The following ANO3 variants were observed in gnomAD, a reference collection of about 807,000 sequenced individuals.
The protein encoded by ANO3 is anoctamin 3.
Under a neutral mutation model 144.8 loss-of-function variants are expected in ANO3, and 99 were observed. The observed-to-expected ratio is 0.68, with a 90% CI of 0.58 to 0.81. The LOEUF is 0.81. Ranked by LOEUF, ANO3 falls within the 30% of genes least tolerant of loss-of-function variation. The pLI is 0.00. For synonymous variants in ANO3, 414 were observed against 392.6 expected, an observed-to-expected ratio of 1.05 and a Z score of -0.64; for missense variants, 905 against 1,202.2, an observed-to-expected ratio of 0.75 and a Z score of 3.66.
intron 1 of ANO3, among the ~76,000 whole-genome samples, chr11:26,324,578 A>G (rs1238195083): frequency 1.3e-5 from 2 of 152,242 alleles, no homozygotes; most frequent in African/African-American, 4.8e-5. Flanking sequence ...ACTCATCAAC[A>G]AAGGCAACAA....
intron 3 of ANO3, among the ~76,000 whole-genome samples, chr11:26,455,422 C>T (rs1859114204): frequency 6.6e-6 from 1 of 151,804 alleles, no homozygotes; most frequent in South Asian, 2.1e-4. Context: ...CATTCTTATA[C>T]ACCAATAACA....
intron 17 of ANO3, among the ~76,000 whole-genome samples, chr11:26,601,663 T>G: frequency 6.6e-6 from 1 of 152,174 alleles, no homozygotes; most frequent in East Asian, 1.9e-4. Context: ...CACTGTAGAT[T>G]TTTATATTTT....
At chr11:26,538,823 A>G (rs1055854963) in intron 10 of ANO3, among the ~76,000 whole-genome samples, 2 of 152,220 alleles carry the variant, frequency 1.3e-5, no homozygotes, top group African/African-American at 4.8e-5. Context: ...AAAGTAAATT[A>G]GAAGGTCAAT....
intron 14 of ANO3, among the ~76,000 whole-genome samples, chr11:26,564,752 T>TCTG (rs1850487566): frequency 1.3e-5 from 1 of 78,486 alleles, no homozygotes. Context: ...TATATATATA[T>TCTG]ATATATATAT....
intron 3 of ANO3, among the ~76,000 whole-genome samples, chr11:26,449,192 A>G (rs983839246): frequency 7.2e-5 from 11 of 152,044 alleles, no homozygotes; most frequent in Admixed American, 5.9e-4. Context: ...TGCTTATCCT[A>G]GGGCTCTACA....
chr11:26,316,917 A>G (rs1398934496), intron 1 of ANO3, among the ~76,000 whole-genome samples: 3 of 152,184 alleles, frequency 2.0e-5, no homozygotes, highest in Non-Finnish European at 4.4e-5. Context: ...CCTACATGCA[A>G]CTTTGTATTT....
intron 1 of ANO3, among the ~76,000 whole-genome samples, chr11:26,350,201 G>A (rs1855608509): frequency 6.6e-6 from 1 of 152,098 alleles, no homozygotes; most frequent in Non-Finnish European, 1.5e-5. Flanking sequence ...GAGGACTGTG[G>A]GTAAAAGTCA....
At chr11:26,319,165 C>CATT (rs1854699251) in intron 1 of ANO3, among the ~76,000 whole-genome samples, 2 of 140,128 alleles carry the variant, frequency 1.4e-5, no homozygotes, top group Non-Finnish European at 3.1e-5. Context: ...TTATTATTAT[C>CATT]GTTATTATTA....
intron 1 of ANO3, among the ~76,000 whole-genome samples, chr11:26,292,415 A>G (rs903396404): frequency 2.0e-5 from 3 of 152,090 alleles, no homozygotes; most frequent in African/African-American, 4.8e-5. Flanking sequence ...ACTTCTGTCA[A>G]CTCATCAAAG....
intron 8 of ANO3, among the ~76,000 whole-genome samples, chr11:26,533,177 A>G (rs1417358491): frequency 6.6e-6 from 1 of 152,194 alleles, no homozygotes; most frequent in Admixed American, 6.5e-5. Flanking sequence ...GACAGAAATA[A>G]AATGCACGTT....
chr11:26,446,467 T>C (rs928571200), intron 3 of ANO3, among the ~76,000 whole-genome samples: 1 of 152,196 alleles, frequency 6.6e-6, no homozygotes, highest in Non-Finnish European at 1.5e-5. Context: ...CTGCATGTGG[T>C]CAGTGTTTCA....
At chr11:26,591,292 G>A (rs948343027) in intron 14 of ANO3, among the ~76,000 whole-genome samples, 61 of 152,218 alleles carry the variant, frequency 4.0e-4, no homozygotes, top group African/African-American at 1.1e-3. Flanking sequence ...GAATTGGGGC[G>A]TAGTAGGGGT....
chr11:26,245,016 T>TGCGCGCGC (rs560456542), intron 1 of ANO3, among the ~76,000 whole-genome samples: 2 of 105,078 alleles, frequency 1.9e-5, no homozygotes, highest in South Asian at 3.3e-4. Flanking sequence ...TGTGTGTGTG[T>TGCGCGCGC]GTGTGCATGC....
chr11:26,523,517 G>C (rs1862170116), intron 6 of ANO3, among the ~76,000 whole-genome samples: 1 of 152,078 alleles, frequency 6.6e-6, no homozygotes, highest in Admixed American at 6.5e-5. Context: ...CCTGACAAAA[G>C]GCCCATCGCA....
intron 1 of ANO3, among the ~76,000 whole-genome samples, chr11:26,203,003 C>T (rs750954345): frequency 6.7e-4 from 102 of 151,956 alleles, no homozygotes; most frequent in Non-Finnish European, 1.1e-3. Flanking sequence ...AGATGGAAAA[C>T]AAGAAGGTTA....
At position 26,541,950 on chromosome 11, in the gene ANO3, G is replaced by A. The variant is rs1005619647; in HGVS notation, c.1036G>A (p.Ala346Thr). The A allele has an allele frequency of 3.1e-6, 5 of 1,609,476 alleles. No homozygotes were observed. The highest frequency in any genetic ancestry group is 1.3e-5 in the African/African-American group (1 of 74,636). Residue 346 changes from alanine to threonine, a missense_variant, in exon 11 of 27, where the codon GCC (alanine) becomes ACC (threonine). Physicochemically the swap from Ala to Thr is moderately conservative, Grantham distance 58. Around this residue, in one of 4 missense-constraint regions of ANO3, gnomAD observed 597 missense variants for 865.1 expected, o/e 0.69. Coordinates refer to ENST00000256737, the MANE Select transcript of ANO3 (RefSeq NM_031418.4). ...TATCTTACTTTATCTGTTGCAGGGA[G>A]CCTACAAAAGTAGCCAGCCCATTAA... Reference protein sequence around the residue: ...YIAAFPPHEGAYKSSQPIKTH... With the variant: ...YIAAFPPHEGTYKSSQPIKTH...
chr11:26,331,119 G>C (rs1324739069), upstream of ANO3, among the ~76,000 whole-genome samples: 1 of 152,174 alleles, frequency 6.6e-6, no homozygotes, highest in Non-Finnish European at 1.5e-5. Flanking sequence ...TTACTTCAAA[G>C]TGGGAGCTGA....
chr11:26,543,599 C>A (rs1849700864), intron 11 of ANO3, among the ~76,000 whole-genome samples: 1 of 152,056 alleles, frequency 6.6e-6, no homozygotes, highest in Admixed American at 6.6e-5. Flanking sequence ...CTGATGCTAT[C>A]CCTCCTCCCT....
intron 1 of ANO3, among the ~76,000 whole-genome samples, chr11:26,219,094 G>A (rs979520650): frequency 2.0e-5 from 3 of 152,140 alleles, no homozygotes; most frequent in Non-Finnish European, 2.9e-5. Context: ...CCCTGGAACC[G>A]ATGCCCTAGA....
Sources: allele counts gnomAD v4.1 joint callset (sites outside exome capture counted in the v4.1 genomes callset), GRCh38; gene constraint gnomAD v4.1.1; regional missense constraint gnomAD v4.1.1; transcripts MANE v1.5; gene names NCBI Gene and HGNC (gene_info 2026-07-23, HGNC 2026-07-21).